Variants in CRACR2A observed in about 807,000 individuals in gnomAD.
CRACR2A encodes EF-hand calcium-binding domain-containing protein 4B.
Under a neutral mutation model 90.5 loss-of-function variants are expected in CRACR2A, and 79 were observed. That is an observed-to-expected ratio of 0.87 (90% confidence interval 0.73 to 1.05). CRACR2A has a LOEUF of 1.05. CRACR2A is among the 50% of genes least tolerant of loss of function. The probability of loss-of-function intolerance (pLI) is 0.00; values close to 1 mark genes in which losing one functional copy is unlikely to be tolerated. For synonymous variants in CRACR2A, 338 were observed against 356.7 expected (o/e 0.95, Z 0.59); for missense variants, 823 against 897.2 (o/e 0.92, Z 1.06).
chr12:3,633,543 C>T lies in CRACR2A; in HGVS notation c.1735+61G>A. ...TCTAACGCTCCCTGCCCCGGGCCCC[C>T]TTCTCACAAACTCCCTTCCCAAAGA... On this transcript the variant is annotated intron_variant, in intron 15 of 19. Coordinates refer to ENST00000440314, the MANE Select transcript of CRACR2A (RefSeq NM_001144958.2). The surrounding 1 kb of genome is among the most constrained non-coding windows in gnomAD (Gnocchi z 4.5). 6.5e-7 allele frequency: 1 copy of T among 1,547,778 alleles called. No individual in the cohort carries two copies.
chr12:3,630,750 G>A (rs952030924), intron 15 of CRACR2A, among the ~76,000 whole-genome samples: 10 of 152,242 alleles, frequency 6.6e-5, no homozygotes, highest in Middle Eastern at 3.2e-3. Context: ...GATGCCCGCA[G>A]GGCTCAAGCA....
At chr12:3,720,464 A>AAAGAAAGAAAGAAAGAAAGAAAGCAAGC (rs1478961662) in intron 2 of CRACR2A, among the ~76,000 whole-genome samples, 3 of 150,792 alleles carry the variant, frequency 2.0e-5, no homozygotes, top group Admixed American at 6.6e-5. Flanking sequence ...AGAAAGAAAG[A>AAAGAAAGAAAGAAAGAAAGAAAGCAAGC]AAGCAAAAGA....
In CRACR2A at chr12:3,633,562, C is replaced by T. The variant is rs925819786; in HGVS notation, c.1735+42G>A. 1.5e-5 allele frequency: 24 copies of T among 1,550,120 alleles called. No homozygotes were observed. Among genetic ancestry groups the T allele is most frequent in the Non-Finnish European group, 2.0e-5 (23 of 1,145,880 alleles). On this transcript the variant is annotated intron_variant, in intron 15 of 19. Coordinates refer to ENST00000440314, the MANE Select transcript of CRACR2A (RefSeq NM_001144958.2). The surrounding 1 kb of genome is among the most constrained non-coding windows in gnomAD (Gnocchi z 4.5). ...GGCCCCCTTCTCACAAACTCCCTTC[C>T]CAAAGATGGGCCTAGGACCCACCTC...
chr12:3,662,835 C>T (rs1945062851), intron 7 of CRACR2A, among the ~76,000 whole-genome samples: 1 of 152,236 alleles, frequency 6.6e-6, no homozygotes, highest in African/African-American at 2.4e-5. Context: ...TATGGTGAGT[C>T]ACATTCAGCA....
intron 1 of CRACR2A, among the ~76,000 whole-genome samples, chr12:3,751,630 C>T (rs551883969): frequency 6.6e-6 from 1 of 152,192 alleles, no homozygotes; most frequent in Non-Finnish European, 1.5e-5. Context: ...CCCAAGATGC[C>T]CAGACCCAGC....
intron 3 of CRACR2A, among the ~76,000 whole-genome samples, chr12:3,703,256 T>G (rs1355258173): frequency 6.6e-6 from 1 of 152,100 alleles, no homozygotes; most frequent in Non-Finnish European, 1.5e-5. Context: ...GCCCAGCTAA[T>G]TTTTTATATT....
chr12:3,630,484 G>A (rs983689534), intron 15 of CRACR2A, among the ~76,000 whole-genome samples: 16 of 152,158 alleles, frequency 1.1e-4, no homozygotes, highest in African/African-American at 3.6e-4. Flanking sequence ...CGGTGGCCAA[G>A]AAAGGGCAGG....
chr12:3,640,709 G>A lies in CRACR2A; in HGVS notation c.1271+1023C>T, dbSNP rs878939883. ...GCTTTGCATATCTTTTTCATTTCATGCTTGCAGTCTTCAAGGTCTCTCTGG... is the reference window on the plus strand; with the variant it reads ...GCTTTGCATATCTTTTTCATTTCATACTTGCAGTCTTCAAGGTCTCTCTGG... On this transcript the variant is annotated intron_variant, in intron 13 of 19. Transcript: ENST00000440314. The A allele has an allele frequency of 7.7e-6, 10 of 1,305,168 alleles. No individual in the cohort carries two copies. In the Admixed American group the frequency reaches 9.2e-5, roughly 12 times the overall value. 80.8% of individuals were successfully genotyped at this position (1,305,168 alleles called of 1,614,324 possible). A position where few individuals can be genotyped will look rare whatever the true frequency, so the allele number is the denominator to read the frequency against.
Position 3,657,140 on chromosome 12 carries a change from C to A in CRACR2A, c.763-734G>T, listed in dbSNP as rs1300129502. Reference sequence around the variant, plus strand: ...TGTGGTGTAAGGCCCCTGAGCCGAGCGGGACACAACTTGGGTTCCAGCCCT... The same window carrying A: ...TGTGGTGTAAGGCCCCTGAGCCGAGAGGGACACAACTTGGGTTCCAGCCCT... On this transcript the variant is annotated intron_variant, in intron 8 of 19. Coordinates refer to ENST00000440314, the MANE Select transcript of CRACR2A (RefSeq NM_001144958.2). Among the ~76,000 whole-genome samples the A allele has an allele frequency of 6.0e-4, 92 of 152,208 alleles. 2 individuals carry two copies. The highest frequency in any genetic ancestry group is 7.3e-5 in the Non-Finnish European group (5 of 68,044).
At chr12:3,666,099 G>T (rs530662884) in intron 7 of CRACR2A, among the ~76,000 whole-genome samples, 15 of 152,154 alleles carry the variant, frequency 9.9e-5, no homozygotes, top group South Asian at 2.1e-4. Context: ...GAGGAGGGGG[G>T]AGTTATCAGG....
intron 13 of CRACR2A, among the ~76,000 whole-genome samples, chr12:3,641,445 G>A (rs979074509): frequency 2.0e-5 from 3 of 152,162 alleles, no homozygotes; most frequent in African/African-American, 7.2e-5. Flanking sequence ...CCTCTCCCTT[G>A]ACCCCTCTCC....
At chr12:3,626,149 T>C (rs73045270) in intron 17 of CRACR2A, among the ~76,000 whole-genome samples, 4,976 of 152,334 alleles carry the variant, frequency 0.033, 112 homozygotes, top group Middle Eastern at 0.065. Flanking sequence ...GCTTCCATTT[T>C]GTTCCTTATT....
intron 3 of CRACR2A, among the ~76,000 whole-genome samples, chr12:3,710,222 T>A (rs544784839): frequency 6.6e-6 from 1 of 152,214 alleles, no homozygotes; most frequent in African/African-American, 2.4e-5. Context: ...TTCTCTCAGC[T>A]TTTTTGTGCC....
chr12:3,698,544 C>A (rs1945781301), intron 3 of CRACR2A, among the ~76,000 whole-genome samples: 3 of 152,226 alleles, frequency 2.0e-5, no homozygotes, highest in Non-Finnish European at 4.4e-5. Flanking sequence ...TGTAATAAGG[C>A]CTTGACATTG....
At chr12:3,615,934 C>T (rs1205851228) in intron 19 of CRACR2A, among the ~76,000 whole-genome samples, 1 of 152,222 alleles carries the variant, frequency 6.6e-6, no homozygotes, top group Non-Finnish European at 1.5e-5. Context: ...GCCATGTGGC[C>T]ACAGCTCCAG....
Position 3,640,638 on chromosome 12 carries a change from C to A in CRACR2A, c.1271+1094G>T, listed in dbSNP as rs995957645. 8 of 1,305,122 alleles carry A rather than the reference C, an allele frequency of 6.1e-6. No homozygotes were observed. In the African/African-American group the frequency reaches 1.1e-4, roughly 17 times the overall value. 80.8% of individuals were successfully genotyped at this position (1,305,122 alleles called of 1,614,324 possible). ...AACAAGAATTCATGATGATCAGGCC[C>A]AAAGGTTTTACTGATGAGCTGATTT... On this transcript the variant is annotated intron_variant, in intron 13 of 19. Coordinates refer to ENST00000440314, the MANE Select transcript of CRACR2A (RefSeq NM_001144958.2).
At chr12:3,690,411 T>C (rs1266383928) in intron 4 of CRACR2A, among the ~76,000 whole-genome samples, 1 of 152,258 alleles carries the variant, frequency 6.6e-6, no homozygotes, top group East Asian at 1.9e-4. Context: ...TTAGTTTCTT[T>C]AATTACCCCA....
chr12:3,744,101 G>A (rs1464733540), intron 1 of CRACR2A, among the ~76,000 whole-genome samples: 1 of 152,190 alleles, frequency 6.6e-6, no homozygotes, highest in African/African-American at 2.4e-5. Context: ...AAGAACAGGA[G>A]CTGAGATGGT....
chr12:3,648,771 T>G (rs1292357199), intron 10 of CRACR2A, among the ~76,000 whole-genome samples, 158 bp from the exon 11 acceptor site: 1 of 152,164 alleles, frequency 6.6e-6, no homozygotes, highest in East Asian at 1.9e-4. Flanking sequence ...TGCAAGTGCT[T>G]TGGGCATCAC....
Sources: gnomAD v4.1 joint callset for allele counts (sites outside exome capture counted in the v4.1 genomes callset) on GRCh38, gnomAD v4.1.1 for gene constraint, Gnocchi (gnomAD v3.1) non-coding constraint, MANE v1.5 for transcripts, NCBI Gene and HGNC (gene_info 2026-07-23, HGNC 2026-07-21) for gene names.